The following ARHGAP42 variants were observed in gnomAD, a reference collection of about 807,000 sequenced individuals.
The protein encoded by ARHGAP42 is rho GTPase-activating protein 42.
A neutral mutation model predicts 125.0 loss-of-function variants in ARHGAP42; 63 were observed. The observed-to-expected ratio is 0.50, with a 90% confidence interval of 0.41 to 0.62. The LOEUF is 0.62. Among genes scored for constraint, ARHGAP42 ranks in the 20% least tolerant of loss-of-function variants. The probability of loss-of-function intolerance (pLI) is 0.00; values close to 1 mark genes in which losing one functional copy is unlikely to be tolerated. For missense variants in ARHGAP42, 766 were observed against 1,024.2 expected, an observed-to-expected ratio of 0.75 and a Z score of 3.44; for synonymous variants, 339 against 351.0, an observed-to-expected ratio of 0.97 and a Z score of 0.38.
chr11:100,960,014 T>G (rs1026129316), intron 13 of ARHGAP42, 69 bp downstream of exon 13: 29 of 1,335,404 alleles, frequency 2.2e-5, no homozygotes, highest in Non-Finnish European at 3.0e-5. Context: ...ACTCTCAGAG[T>G]AGATAAATCA....
At chr11:100,966,002 C>T (rs1475911775) in intron 17 of ARHGAP42, among the ~76,000 whole-genome samples, 5 of 152,026 alleles carry the variant, frequency 3.3e-5, no homozygotes, top group Admixed American at 6.6e-5. Context: ...ATATCCTTTG[C>T]AATTGTTAAA....
At chr11:100,863,848 A>G (rs770482182) in intron 4 of ARHGAP42, among the ~76,000 whole-genome samples, 1 of 152,210 alleles carries the variant, frequency 6.6e-6, no homozygotes, top group Non-Finnish European at 1.5e-5. Context: ...AAATTCTAGA[A>G]TACTAGTGGA....
chr11:100,865,234 A>G (rs1865541089), intron 4 of ARHGAP42, among the ~76,000 whole-genome samples: 1 of 152,102 alleles, frequency 6.6e-6, no homozygotes, highest in African/African-American at 2.4e-5. Flanking sequence ...AACATTCCTT[A>G]TACATGCAGT....
At chr11:100,738,852 G>A (rs982945294) in intron 1 of ARHGAP42, among the ~76,000 whole-genome samples, 3 of 152,196 alleles carry the variant, frequency 2.0e-5, no homozygotes, top group African/African-American at 7.2e-5. Context: ...TGTGCCCGTT[G>A]CATTCCTTGC....
At chr11:100,753,247 G>A (rs949734612) in intron 1 of ARHGAP42, among the ~76,000 whole-genome samples, 1 of 152,196 alleles carries the variant, frequency 6.6e-6, no homozygotes, top group Non-Finnish European at 1.5e-5. Context: ...CGCTCAGGGA[G>A]TGGGGAGTAA....
chr11:100,940,705 G>A (rs1292920979), intron 8 of ARHGAP42, among the ~76,000 whole-genome samples: 2 of 152,158 alleles, frequency 1.3e-5, no homozygotes. Context: ...TTAGGAGTAA[G>A]AGGAAATAAC....
intron 16 of ARHGAP42, among the ~76,000 whole-genome samples, chr11:100,964,362 A>G (rs1052418053): frequency 6.6e-6 from 1 of 152,066 alleles, no homozygotes; most frequent in African/African-American, 2.4e-5. Context: ...ATTTTCTTGG[A>G]GTAGATTTGG....
chr11:100,931,758 C>T (rs1275313208), intron 6 of ARHGAP42, among the ~76,000 whole-genome samples: 1 of 152,162 alleles, frequency 6.6e-6, no homozygotes, highest in African/African-American at 2.4e-5. Flanking sequence ...TAAATCTAAA[C>T]ATGCAAACCT....
At chr11:100,876,388 G>A (rs947882119) in intron 4 of ARHGAP42, among the ~76,000 whole-genome samples, 8 of 151,914 alleles carry the variant, frequency 5.3e-5, no homozygotes, top group South Asian at 2.1e-4. Flanking sequence ...GTAGTTGGAC[G>A]TATTTAAATA....
chr11:100,854,126 G>T (rs1865271741), intron 3 of ARHGAP42, among the ~76,000 whole-genome samples: 2 of 152,084 alleles, frequency 1.3e-5, no homozygotes, highest in African/African-American at 4.8e-5. Context: ...TTGCATAGTT[G>T]TCATGGTTAG....
intron 12 of ARHGAP42, among the ~76,000 whole-genome samples, chr11:100,959,420 CTG>C (rs1243155048): frequency 6.6e-6 from 1 of 152,006 alleles, no homozygotes; most frequent in Non-Finnish European, 1.5e-5. Flanking sequence ...GAGCTTAAAA[CTG>C]AGAGCAGTGG....
At chr11:100,868,014 G>A (rs1002262083) in intron 4 of ARHGAP42, among the ~76,000 whole-genome samples, 1 of 152,158 alleles carries the variant, frequency 6.6e-6, no homozygotes, top group African/African-American at 2.4e-5. Context: ...ATATAGGTGT[G>A]AGACCATGGA....
intron 3 of ARHGAP42, among the ~76,000 whole-genome samples, chr11:100,809,246 A>AG (rs1188499395): frequency 6.6e-6 from 1 of 152,126 alleles, no homozygotes; most frequent in African/African-American, 2.4e-5. Context: ...GACAAGATGA[A>AG]GAAGAAAGAA....
At chr11:100,702,566 T>TAA (rs34466184) in intron 1 of ARHGAP42, among the ~76,000 whole-genome samples, 107 of 141,054 alleles carry the variant, frequency 7.6e-4, no homozygotes, top group South Asian at 2.5e-3. Context: ...CTTCGATTTG[T>TAA]AAAAAAAAAA....
At chr11:100,870,509 C>T (rs1416665175) in intron 4 of ARHGAP42, among the ~76,000 whole-genome samples, 3 of 152,142 alleles carry the variant, frequency 2.0e-5, no homozygotes, top group Admixed American at 6.6e-5. Flanking sequence ...CATTGCTATA[C>T]GCATTACTAT....
At position 100,987,578 on chromosome 11, in the gene ARHGAP42, C is replaced by A; in HGVS notation, c.2522C>A (p.Ala841Glu). 1 of 1,551,482 alleles carries A rather than the reference C, an allele frequency of 6.4e-7. No homozygotes were observed. The highest frequency in any genetic ancestry group is 8.7e-7 in the Non-Finnish European group (1 of 1,146,778). ...CATGAGCTTTCCTTCCCACAAGGAG[C>A]AATATTTTCTAATGGTAAGTATGTC... Reference protein sequence around the residue: ...HSHELSFPQGAIFSNVYPSVE... With the variant: ...HSHELSFPQGEIFSNVYPSVE... The change falls in exon 23 of 24, where the codon GCA becomes GAA. Residue 841 changes from alanine to glutamate, a missense_variant. Around this residue, in one of 3 missense-constraint regions of ARHGAP42, gnomAD observed 308 missense variants for 369.7 expected, o/e 0.83. Transcript: ENST00000298815.
intron 3 of ARHGAP42, among the ~76,000 whole-genome samples, chr11:100,857,128 G>GTGT (rs971459022): frequency 6.6e-6 from 1 of 151,950 alleles, no homozygotes; most frequent in Non-Finnish European, 1.5e-5. Context: ...CTTTATCACA[G>GTGT]TGTTGGATGT....
chr11:100,720,845 G>T (rs149046577), intron 1 of ARHGAP42, among the ~76,000 whole-genome samples: 1 of 151,990 alleles, frequency 6.6e-6, no homozygotes, highest in South Asian at 2.1e-4. Flanking sequence ...ACTCAAAAAT[G>T]AATATTAAAA....
chr11:100,697,159 A>C (rs1396577878), intron 1 of ARHGAP42, among the ~76,000 whole-genome samples: 4 of 151,382 alleles, frequency 2.6e-5, no homozygotes, highest in African/African-American at 9.7e-5. Flanking sequence ...TCAGTGGTGG[A>C]ATTTCTTTTT....
Sources: allele counts gnomAD v4.1 joint callset (sites outside exome capture counted in the v4.1 genomes callset), GRCh38; gene constraint gnomAD v4.1.1; regional missense constraint gnomAD v4.1.1; transcripts MANE v1.5; gene names NCBI Gene and HGNC (gene_info 2026-07-23, HGNC 2026-07-21).